The following RTN4IP1 variants were observed in gnomAD, a reference collection of about 807,000 sequenced individuals.
RTN4IP1 encodes the protein reticulon 4 interacting protein 1, also known as NAD(P)H oxidoreductase RTN4IP1, mitochondrial.
A neutral mutation model predicts 46.6 loss-of-function variants in RTN4IP1; 32 were observed. The observed-to-expected ratio is 0.69, with a 90% CI of 0.52 to 0.92. The LOEUF is 0.92. RTN4IP1 is among the 40% of genes least tolerant of loss of function. The probability of loss-of-function intolerance (pLI) is 0.00; values close to 1 mark genes in which losing one functional copy is unlikely to be tolerated. For missense variants in RTN4IP1, 424 were observed against 485.8 expected (o/e 0.87, Z 1.20); for synonymous variants, 167 against 161.8 (o/e 1.03, Z -0.24).
intron 4 of RTN4IP1, among the ~76,000 whole-genome samples, chr6:106,606,323 G>A (rs1776072764): frequency 6.6e-6 from 1 of 152,122 alleles, no homozygotes; most frequent in African/African-American, 2.4e-5. Context: ...GGAGGCTGAG[G>A]TGGAAGGATC....
intron 8 of RTN4IP1, chr6:106,572,329 ACTT>A: frequency 1.9e-6 from 1 of 533,978 alleles, no homozygotes; most frequent in Non-Finnish European, 3.4e-6. Flanking sequence ...GCCCAGTCTT[ACTT>A]CTCCTCCATG....
In RTN4IP1 at chr6:106,578,703, C is replaced by T. The variant is rs927700044; in HGVS notation, c.1083+4625G>A. Among the ~76,000 whole-genome samples the T allele has an allele frequency of 4.6e-5, 7 of 152,262 alleles. No homozygotes were observed. The East Asian group carries it at 9.7e-4, about 21-fold the overall frequency. On this transcript the variant is annotated intron_variant, in intron 8 of 8. Coordinates refer to ENST00000369063, the MANE Select transcript of RTN4IP1 (RefSeq NM_032730.5). ...GCAGCTGCGGGGAAAGAACATTTGT[C>T]GGGGAGGTCACTCCCTGCCACCATT...
At chr6:106,596,122 G>A (rs1775784485) in intron 5 of RTN4IP1, among the ~76,000 whole-genome samples, 1 of 152,236 alleles carries the variant, frequency 6.6e-6, no homozygotes, top group South Asian at 2.1e-4. Flanking sequence ...GACCTGACTA[G>A]TCTTTGATAT....
chr6:106,571,204 G>C lies in RTN4IP1; in HGVS notation c.*792C>G, dbSNP rs1036757309. 6.6e-6 allele frequency: 1 copy of C among 152,152 alleles called. No homozygotes were observed. Among genetic ancestry groups the C allele is most frequent in the Non-Finnish European group, 1.5e-5 (1 of 68,008 alleles). 9.4% of individuals were successfully genotyped at this position (152,152 alleles called of 1,614,324 possible). A position where few individuals can be genotyped will look rare whatever the true frequency, so the allele number is the denominator to read the frequency against. The stretch of plus-strand genomic sequence containing the variant: ...TTCAATATTAAGAGCATAAACAAAT[G>C]AATCACCAGGCAGATTTTTATATAT... On this transcript the variant is annotated 3_prime_UTR_variant, in exon 9 of 9. Coordinates refer to ENST00000369063, the MANE Select transcript of RTN4IP1 (RefSeq NM_032730.5).
intron 1 of RTN4IP1, 137 bp from the exon 2 acceptor site, chr6:106,623,106 G>A: frequency 7.3e-6 from 6 of 823,524 alleles, no homozygotes; most frequent in Non-Finnish European, 1.1e-5. Context: ...AGACACATAA[G>A]TGTATGTTCA....
chr6:106,610,225 C>T (rs1776190909), intron 4 of RTN4IP1, among the ~76,000 whole-genome samples: 1 of 152,056 alleles, frequency 6.6e-6, no homozygotes, highest in Non-Finnish European at 1.5e-5. Context: ...CCACACCTGG[C>T]TAATTTTTTT....
chr6:106,609,175 C>T (rs910232218), intron 4 of RTN4IP1, among the ~76,000 whole-genome samples: 1 of 152,252 alleles, frequency 6.6e-6, no homozygotes, highest in Non-Finnish European at 1.5e-5. Flanking sequence ...TCTGCAAGCT[C>T]TTAAGGTCAG....
At chr6:106,592,138 A>C (rs1471165154) in intron 6 of RTN4IP1, 26 bp downstream of exon 6, 4 of 1,608,496 alleles carry the variant, frequency 2.5e-6, no homozygotes, top group East Asian at 2.2e-5. Context: ...TCCCACTCCC[A>C]GTGTGAACAT....
At chr6:106,627,179 C>G (rs1562158909) in intron 1 of RTN4IP1, among the ~76,000 whole-genome samples, 1 of 151,370 alleles carries the variant, frequency 6.6e-6, no homozygotes, top group Non-Finnish European at 1.5e-5. Flanking sequence ...TAATATTACC[C>G]ATTCAAGTCA....
At chr6:106,613,863 C>A (rs1776287655) in intron 4 of RTN4IP1, among the ~76,000 whole-genome samples, 1 of 152,186 alleles carries the variant, frequency 6.6e-6, no homozygotes, top group Admixed American at 6.5e-5. Flanking sequence ...TTATCTTAAC[C>A]CAGACATTCC....
intron 1 of RTN4IP1, among the ~76,000 whole-genome samples, chr6:106,626,026 GAA>G (rs1002125469): frequency 6.6e-6 from 1 of 152,130 alleles, no homozygotes; most frequent in Non-Finnish European, 1.5e-5. Flanking sequence ...CAGTAGAAAA[GAA>G]AAGACTGATG....
upstream of RTN4IP1, chr6:106,629,603 C>T (rs1776761406): frequency 2.6e-6 from 4 of 1,524,118 alleles, no homozygotes; most frequent in Non-Finnish European, 3.6e-6. Context: ...TGGCTGCGCC[C>T]ATGTAACATC....
chr6:106,571,809 C>T lies in RTN4IP1; in HGVS notation c.*187G>A. 1.9e-6 allele frequency: 1 copy of T among 513,806 alleles called. No homozygotes were observed. Among genetic ancestry groups the T allele is most frequent in the East Asian group, 3.4e-5 (1 of 29,522 alleles). 31.8% of individuals were successfully genotyped at this position (513,806 alleles called of 1,614,324 possible). ...ACTTCGAATTTCTACTGACTACAGA[C>T]AAATCCAAGTGCTGATATTTTTATA... On this transcript the variant is annotated 3_prime_UTR_variant, in exon 9 of 9. Transcript: ENST00000369063.
intron 4 of RTN4IP1, among the ~76,000 whole-genome samples, chr6:106,613,736 A>T (rs1776284792): frequency 6.6e-6 from 1 of 152,164 alleles, no homozygotes. Context: ...ATACCCCTGC[A>T]GCATTAACAT....
At chr6:106,612,842 C>A (rs1233868758) in intron 4 of RTN4IP1, among the ~76,000 whole-genome samples, 3 of 152,166 alleles carry the variant, frequency 2.0e-5, no homozygotes, top group Admixed American at 2.0e-4. Flanking sequence ...CTAACCCTAG[C>A]CAATAGGGGA....
chr6:106,604,519 T>C (rs1276971434), intron 4 of RTN4IP1, among the ~76,000 whole-genome samples: 1 of 152,158 alleles, frequency 6.6e-6, no homozygotes, highest in Non-Finnish European at 1.5e-5. Context: ...CTCTCATCCC[T>C]TCCCTTTGTC....
intron 8 of RTN4IP1, among the ~76,000 whole-genome samples, chr6:106,578,992 A>G (rs1227725405): frequency 6.6e-6 from 1 of 150,610 alleles, no homozygotes; most frequent in African/African-American, 2.4e-5. Context: ...ATCCCAGCAC[A>G]TTGGGAGGCC....
chr6:106,609,116 A>G lies in RTN4IP1; in HGVS notation c.621-6194T>C, dbSNP rs559496690. ...AGTTTTCCTCTACAATACCCTTAAC[A>G]TAGCCTGGAACCTGTTATCTATGCC... On this transcript the variant is annotated intron_variant, in intron 4 of 8. Transcript: ENST00000369063. Among the ~76,000 whole-genome samples the G allele has an allele frequency of 9.2e-5, 14 of 152,274 alleles. No homozygotes were observed. In the East Asian group the frequency reaches 1.7e-3, roughly 19 times the overall value.
rs1006949557 is a variant in RTN4IP1, at chr6:106,629,282, C to G, written c.-261G>C. The G allele has an allele frequency of 1.3e-5, 7 of 547,204 alleles. No individual in the cohort carries two copies. The highest frequency in any genetic ancestry group is 2.3e-5 in the Non-Finnish European group (7 of 310,714). The allele number at this position is 547,204 out of a possible 1,614,324, so 33.9% of individuals were successfully genotyped here. A position where few individuals can be genotyped will look rare whatever the true frequency, so the allele number is the denominator to read the frequency against. ...TGTCCATTCTCCTCCCTCACTTTCA[C>G]CCCCTCCACTTTAAAAAAAAAAGGG... On this transcript the variant is annotated 5_prime_UTR_variant, in exon 1 of 9. Transcript: ENST00000369063.
Sources: gnomAD v4.1 joint callset for allele counts (sites outside exome capture counted in the v4.1 genomes callset) on GRCh38, gnomAD v4.1.1 for gene constraint, MANE v1.5 for transcripts, NCBI Gene and HGNC (gene_info 2026-07-23, HGNC 2026-07-21) for gene names.